Variants in PARG observed in about 807,000 individuals in gnomAD.
PARG encodes mitochondrial poly(ADP-ribose) glycohydrolase.
Under a neutral mutation model 113.0 loss-of-function variants are expected in PARG, and 35 were observed. The ratio of observed to expected loss-of-function variants is 0.31; its 90% CI spans 0.24 to 0.41. PARG has a LOEUF of 0.41. PARG is among the 10% of genes least tolerant of loss of function. The pLI is 1.00. For missense variants in PARG, 797 were observed against 1,169.4 expected (o/e 0.68, Z 4.64); for synonymous variants, 330 against 409.9 (o/e 0.81, Z 2.36).
chr10:49,821,812 G>A (rs992656199), intron 16 of PARG, among the ~76,000 whole-genome samples: 1 of 152,124 alleles, frequency 6.6e-6, no homozygotes, highest in Non-Finnish European at 1.5e-5. Context: ...AAATAAATGA[G>A]CGTAATTTTA....
At chr10:49,890,984 T>C (rs2132681761) in intron 7 of PARG, among the ~76,000 whole-genome samples, 1 of 152,254 alleles carries the variant, frequency 6.6e-6, no homozygotes, top group East Asian at 1.9e-4. Flanking sequence ...AATATTTCCA[T>C]AGATCTTTTT....
intron 6 of PARG, among the ~76,000 whole-genome samples, chr10:49,920,463 A>AAAAAAAAAAAAAAAATATAT (rs1431747248): frequency 4.2e-5 from 2 of 47,988 alleles, no homozygotes; most frequent in African/African-American, 1.0e-4. Flanking sequence ...AAAAAAAAAA[A>AAAAAAAAAAAAAAAATATAT]ATATATATAT....
At chr10:49,868,476 G>A (rs1345577919) in intron 10 of PARG, among the ~76,000 whole-genome samples, 16 of 152,104 alleles carry the variant, frequency 1.1e-4, no homozygotes, top group African/African-American at 3.9e-4. Context: ...CCTGATAATT[G>A]ATTTCATTCT....
At chr10:49,819,755 C>T (rs1432236434) in intron 17 of PARG, among the ~76,000 whole-genome samples, 1 of 152,194 alleles carries the variant, frequency 6.6e-6, no homozygotes, top group African/African-American at 2.4e-5. Context: ...CCTCGTTATG[C>T]ACTGTCATGG....
chr10:49,856,707 TTA>T (rs1846007006), intron 13 of PARG, among the ~76,000 whole-genome samples: 1 of 152,234 alleles, frequency 6.6e-6, no homozygotes, highest in African/African-American at 2.4e-5. Context: ...AAGAGCATTA[TTA>T]TGTCATAAAA....
chr10:49,831,611 G>A (rs747464643), intron 16 of PARG, among the ~76,000 whole-genome samples: 6 of 152,168 alleles, frequency 3.9e-5, no homozygotes, highest in Non-Finnish European at 8.8e-5. Flanking sequence ...CCTACAGAAT[G>A]AGACTTCAAT....
rs1264020229 is a variant in PARG at position 49,819,318 on chromosome 10, G to A, written c.*22C>T. 2 of 1,544,072 alleles carry A rather than the reference G, an allele frequency of 1.3e-6. No individual in the cohort carries two copies. Among genetic ancestry groups the A allele is most frequent in the Non-Finnish European group, 1.8e-6 (2 of 1,142,194 alleles). ...GGACGTCTCTGGTGGGAGGTGGGAG[G>A]AGATGCTATTCGCTCGGCTCCTCAG... On this transcript the variant is annotated 3_prime_UTR_variant, in exon 18 of 18. Coordinates refer to ENST00000616448, the MANE Select transcript of PARG (RefSeq NM_003631.5).
At chr10:49,880,510 A>C (rs1847162125) in intron 8 of PARG, among the ~76,000 whole-genome samples, 1 of 152,224 alleles carries the variant, frequency 6.6e-6, no homozygotes, top group Non-Finnish European at 1.5e-5. Context: ...TAGTTATGCC[A>C]CCAAATTCAC....
At chr10:49,927,285 G>A (rs1470735176) in intron 4 of PARG, among the ~76,000 whole-genome samples, 4 of 150,502 alleles carry the variant, frequency 2.7e-5, no homozygotes, top group South Asian at 2.1e-4. Context: ...CCAGCCTGGC[G>A]ACAGAGCAAG....
intron 14 of PARG, among the ~76,000 whole-genome samples, chr10:49,842,485 C>T (rs1554832567): frequency 6.6e-6 from 1 of 152,170 alleles, no homozygotes; most frequent in African/African-American, 2.4e-5. Context: ...TGTAACATCA[C>T]TATATACTGT....
chr10:49,926,511 A>T (rs1283150607), intron 4 of PARG, among the ~76,000 whole-genome samples: 12 of 152,128 alleles, frequency 7.9e-5, no homozygotes, highest in Non-Finnish European at 1.6e-4. Flanking sequence ...CGCCAAATGG[A>T]AAGTGCCAAC....
At chr10:49,862,086 CGTGTGT>C (rs35142553) in intron 11 of PARG, among the ~76,000 whole-genome samples, 1 of 142,952 alleles carries the variant, frequency 7.0e-6, no homozygotes, top group Admixed American at 6.9e-5. Context: ...GTTTCATAAC[CGTGTGT>C]GTGTGTGTGT....
Position 49,919,835 on chromosome 10 carries a change from C to T in PARG, c.1662+2501G>A, listed in dbSNP as rs181787929. Among the ~76,000 whole-genome samples, 513 of 152,212 alleles carry T rather than the reference C, an allele frequency of 3.4e-3. 2 individuals carry two copies. Among genetic ancestry groups the T allele is most frequent in the African/African-American group, 0.012 (486 of 41,516 alleles). ...GGTGTAGGTTGCAGTGAGCTGAGAT[C>T]GTGCCACTGCGATCTGATGTTCTAT... On this transcript the variant is annotated intron_variant, in intron 6 of 17. Transcript: ENST00000616448.
intron 6 of PARG, among the ~76,000 whole-genome samples, chr10:49,918,199 C>A (rs114777730): frequency 0.017 from 2,571 of 152,240 alleles, 35 homozygotes; most frequent in African/African-American, 0.031. Flanking sequence ...ATAATGGGAG[C>A]TTCATGGGTA....
intron 9 of PARG, among the ~76,000 whole-genome samples, chr10:49,878,590 C>G (rs1388329379): frequency 1.4e-5 from 2 of 140,620 alleles, no homozygotes; most frequent in South Asian, 4.8e-4. Flanking sequence ...TGCACTCCAG[C>G]CTGGGCAACA....
chr10:49,939,132 A>C (rs1381575534), intron 1 of PARG, among the ~76,000 whole-genome samples: 2 of 152,212 alleles, frequency 1.3e-5, no homozygotes, highest in African/African-American at 2.4e-5. Flanking sequence ...CAAATTATCC[A>C]GTCACAGAAG....
chr10:49,837,097 A>T (rs1844974925), intron 15 of PARG, among the ~76,000 whole-genome samples: 1 of 152,192 alleles, frequency 6.6e-6, no homozygotes, highest in Non-Finnish European at 1.5e-5. Flanking sequence ...AGTATGAGTT[A>T]GATAGAAGGA....
intron 15 of PARG, among the ~76,000 whole-genome samples, chr10:49,839,912 G>A (rs782375224): frequency 6.6e-6 from 1 of 152,146 alleles, no homozygotes; most frequent in African/African-American, 2.4e-5. Flanking sequence ...TCTTGACCGT[G>A]TGACAAATTC....
chr10:49,829,281 T>A (rs1844535316), intron 16 of PARG, among the ~76,000 whole-genome samples: 1 of 152,154 alleles, frequency 6.6e-6, no homozygotes, highest in Non-Finnish European at 1.5e-5. Flanking sequence ...GTAATTTTCT[T>A]TTTTTGTAAG....
Sources: allele counts gnomAD v4.1 joint callset (sites outside exome capture counted in the v4.1 genomes callset), GRCh38; gene constraint gnomAD v4.1.1; transcripts MANE v1.5; gene names NCBI Gene and HGNC (gene_info 2026-07-23, HGNC 2026-07-21).